SEZ6L2: variants seen among roughly 807,000 people sequenced by gnomAD.
The protein encoded by SEZ6L2 is seizure 6-like protein 2.
A neutral mutation model predicts 97.0 loss-of-function variants in SEZ6L2; 44 were observed. The ratio of observed to expected loss-of-function variants is 0.45; its 90% CI spans 0.36 to 0.58. The LOEUF is 0.58. Among genes scored for constraint, SEZ6L2 ranks in the 20% least tolerant of loss-of-function variants. The pLI is 0.00. For missense variants in SEZ6L2, 1,086 were observed against 1,233.3 expected (o/e 0.88, Z 1.79); for synonymous variants, 543 against 546.1 (o/e 0.99, Z 0.08).
In SEZ6L2 at chr16:29,897,950, C is replaced by T. The variant is rs118131274; in HGVS notation, c.114G>A (p.Glu38=). ...LPLKEEEILP[E]PGSETPTVAS... Reference sequence around the variant, plus strand: ...CCACCGTGGGGGTCTCACTTCCAGGCTCTGGCAATATCTCCTCCTCCTTCA... The same window carrying T: ...CCACCGTGGGGGTCTCACTTCCAGGTTCTGGCAATATCTCCTCCTCCTTCA... Residue 38 remains glutamate (E), a synonymous_variant, in exon 2 of 18, where the codon GAG becomes GAA. Transcript: ENST00000617533. 2.9e-3 allele frequency: 4,679 copies of T among 1,613,726 alleles called. 7 individuals carry two copies. Among genetic ancestry groups the T allele is most frequent in the Non-Finnish European group, 3.5e-3 (4,126 of 1,179,786 alleles).
In SEZ6L2 at chr16:29,887,702, C is replaced by T; in HGVS notation, c.1155G>A (p.Gly385=). 1 of 1,610,720 alleles carries T rather than the reference C, an allele frequency of 6.2e-7. No homozygotes were observed. Residue 385 remains glycine, a synonymous_variant, in exon 7 of 18, where the codon GGG becomes GGA. Transcript: ENST00000617533. The part of the protein sequence containing the change: ...TCRWVIEAAE[G]RRLHLHFERV... ...TTTCAAAGTGCAGGTGCAGCCGGCG[C>T]CCCTCAGCTGCTTCAATGACCCAAC...
intron 12 of SEZ6L2, among the ~76,000 whole-genome samples, chr16:29,874,123 T>C (rs1416438541): frequency 6.6e-6 from 1 of 152,060 alleles, no homozygotes; most frequent in Non-Finnish European, 1.5e-5. Context: ...TAAAATGCAG[T>C]GCATCTATTT....
chr16:29,873,170 T>C lies in SEZ6L2; in HGVS notation c.2488+70A>G, dbSNP rs913212435. 8.3e-5 allele frequency: 129 copies of C among 1,557,196 alleles called. No homozygotes were observed. The highest frequency in any genetic ancestry group is 1.0e-4 in the Non-Finnish European group (119 of 1,143,366). ...GGTCGCCCATTGGTCTCAAATGTGC[T>C]ACCTGACTCTCCCAGCCCTGTCACT... On this transcript the variant is annotated intron_variant, in intron 14 of 17. Coordinates refer to ENST00000617533, the MANE Select transcript of SEZ6L2 (RefSeq NM_001243332.2). This position sits in a 1 kb window ranked among gnomAD's most constrained non-coding sequence, Gnocchi z 4.3.
At chr16:29,875,665 C>CTTT (rs11443146) in intron 12 of SEZ6L2, among the ~76,000 whole-genome samples, 7 of 121,024 alleles carry the variant, frequency 5.8e-5, no homozygotes, top group East Asian at 4.6e-4. Context: ...TTCTTTCTTT[C>CTTT]TTTTTTTTTT....
Position 29,877,042 on chromosome 16 carries a change from A to G in SEZ6L2, c.1910-92T>C, listed in dbSNP as rs573568070. The G allele has an allele frequency of 1.9e-5, 25 of 1,326,302 alleles. No homozygotes were observed. The African/African-American group carries it at 2.9e-4, about 15-fold the overall frequency. 82.2% of individuals were successfully genotyped at this position (1,326,302 alleles called of 1,614,324 possible). A position where few individuals can be genotyped will look rare whatever the true frequency, so the allele number is the denominator to read the frequency against. On this transcript the variant is annotated intron_variant, in intron 11 of 17. Transcript: ENST00000617533. ...GCTTTGCTCTGTGCCCCCTCCCGGG[A>G]TCTGTCTCTCTCTCTCTCTCTTAGA...
At position 29,873,181 on chromosome 16, in the gene SEZ6L2, C is replaced by G. The variant is rs1297117002; in HGVS notation, c.2488+59G>C. The G allele has an allele frequency of 7.6e-6, 12 of 1,589,190 alleles. No homozygotes were observed. Among genetic ancestry groups the G allele is most frequent in the Non-Finnish European group, 9.4e-6 (11 of 1,165,204 alleles). ...GGTCTCAAATGTGCTACCTGACTCT[C>G]CCAGCCCTGTCACTTCCCGGACACT... On this transcript the variant is annotated intron_variant, in intron 14 of 17. Transcript: ENST00000617533. The surrounding 1 kb of genome is among the most constrained non-coding windows in gnomAD (Gnocchi z 4.3).
chr16:29,873,181 C>A lies in SEZ6L2; in HGVS notation c.2488+59G>T. ...GGTCTCAAATGTGCTACCTGACTCT[C>A]CCAGCCCTGTCACTTCCCGGACACT... On this transcript the variant is annotated intron_variant, in intron 14 of 17. Transcript: ENST00000617533. The surrounding 1 kb of genome is among the most constrained non-coding windows in gnomAD (Gnocchi z 4.3). 6.3e-7 allele frequency: 1 copy of A among 1,589,188 alleles called. No individual in the cohort carries two copies. The highest frequency in any genetic ancestry group is 1.7e-4 in the Middle Eastern group (1 of 5,972).
In SEZ6L2 at chr16:29,876,972, T is replaced by C; in HGVS notation, c.1910-22A>G. ...ACCTCTGCAGGGGAGGGAAGGCGAGTTTGGAGGCTGCGTTTTAACTGCGGG... is the reference window on the plus strand; with the variant it reads ...ACCTCTGCAGGGGAGGGAAGGCGAGCTTGGAGGCTGCGTTTTAACTGCGGG... On this transcript the variant is annotated intron_variant, in intron 11 of 17. Coordinates refer to ENST00000617533, the MANE Select transcript of SEZ6L2 (RefSeq NM_001243332.2). The surrounding 1 kb of genome is among the most constrained non-coding windows in gnomAD (Gnocchi z 6.5). 3.2e-6 allele frequency: 5 copies of C among 1,580,968 alleles called. No homozygotes were observed. Among genetic ancestry groups the C allele is most frequent in the Non-Finnish European group, 4.3e-6 (5 of 1,158,760 alleles).
intron 1 of SEZ6L2, 147 bp from the exon 2 acceptor site, chr16:29,898,131 G>T (rs370236756): frequency 2.6e-6 from 3 of 1,161,624 alleles, no homozygotes. Context: ...GGCCAAGATC[G>T]GAGGAGGGGC....
rs576708244 is a variant in SEZ6L2, at chr16:29,897,965, C to T, written c.99G>A (p.Glu33=). 1 of 1,613,694 alleles carries T rather than the reference C, an allele frequency of 6.2e-7. No individual in the cohort carries two copies. Among genetic ancestry groups the T allele is most frequent in the Admixed American group, 1.7e-5 (1 of 59,960 alleles). Residue 33 remains glutamate (E), a synonymous_variant, in exon 2 of 18, where the codon GAG becomes GAA. Transcript: ENST00000617533. ...PWIQGLPLKE[E]EILPEPGSET... The stretch of plus-strand genomic sequence containing the variant: ...CACTTCCAGGCTCTGGCAATATCTC[C>T]TCCTCCTTCAGGGGCAGACCTAGGA...
At position 29,895,771 on chromosome 16, in the gene SEZ6L2, C is replaced by G; in HGVS notation, c.601G>C (p.Asp201His). 1 of 1,614,086 alleles carries G rather than the reference C, an allele frequency of 6.2e-7. No individual in the cohort carries two copies. The highest frequency in any genetic ancestry group is 8.5e-7 in the Non-Finnish European group (1 of 1,179,998). ...TAGACATGGATGCTGTAAGTGCAGT[C>G]CAGGAGCCCCAGGGTGCGGCTGACG... ...SPVSRTLGLL[D>H]CTYSIHVYPG... The change falls in exon 4 of 18, where the codon GAC becomes CAC. Residue 201 changes from aspartate to histidine, a missense_variant. This residue lies in a region of SEZ6L2 where 776 missense variants were observed against 794.7 expected (regional missense o/e 0.98). Coordinates refer to ENST00000617533, the MANE Select transcript of SEZ6L2 (RefSeq NM_001243332.2).
At chr16:29,885,548 G>A in intron 8 of SEZ6L2, 38 bp downstream of exon 8, 2 of 1,596,150 alleles carry the variant, frequency 1.3e-6, no homozygotes, top group Non-Finnish European at 1.7e-6. Context: ...AGGGGAAGGT[G>A]TGGCGGTTGG....
chr16:29,874,534 CTT>C (rs1377402834), intron 12 of SEZ6L2, among the ~76,000 whole-genome samples: 2 of 60,850 alleles, frequency 3.3e-5, no homozygotes, highest in African/African-American at 5.0e-5. Flanking sequence ...AAATATAATT[CTT>C]TGTGTGTGTG....
chr16:29,871,840 G>A (rs1442185219), intron 17 of SEZ6L2, 112 bp from the exon 18 acceptor site: 2 of 923,278 alleles, frequency 2.2e-6, no homozygotes, highest in Middle Eastern at 2.1e-4. Flanking sequence ...GACCTCTAGG[G>A]GCTGGGGGGC....
At chr16:29,877,551 T>C in intron 10 of SEZ6L2, 84 bp from the exon 11 acceptor site, 1 of 1,272,562 alleles carries the variant, frequency 7.9e-7, no homozygotes, top group Non-Finnish European at 1.1e-6. Context: ...ACTCTGCTCA[T>C]TGGTAGCCCC....
rs764745574 is a variant in SEZ6L2, at chr16:29,877,479, G to A, written c.1713-12C>T. ...CCCGCACATTCAATCTGCAGGGGGT[G>A]AGACCAGGCAATGGGGCGGGGCTGC... On this transcript the variant is annotated splice_polypyrimidine_tract_variant and intron_variant, in intron 10 of 17. Transcript: ENST00000617533. 4.4e-6 allele frequency: 7 copies of A among 1,573,536 alleles called. No homozygotes were observed.
At chr16:29,894,213 C>T (rs2068331185) in intron 5 of SEZ6L2, among the ~76,000 whole-genome samples, 1 of 152,200 alleles carries the variant, frequency 6.6e-6, no homozygotes, top group African/African-American at 2.4e-5. Flanking sequence ...TTCATTTGAT[C>T]TTCCCCATAA....
chr16:29,899,510 C>G lies in SEZ6L2; in HGVS notation c.-491G>C, dbSNP rs1198166316. ...GGGGTGGGTTGGGGAACTGGGAGAGCCGAAGCTCGGGCACTGGAGCTGCGG... is the reference window on the plus strand; with the variant it reads ...GGGGTGGGTTGGGGAACTGGGAGAGGCGAAGCTCGGGCACTGGAGCTGCGG... On this transcript the variant is annotated 5_prime_UTR_variant, in exon 1 of 18. Coordinates refer to ENST00000617533, the MANE Select transcript of SEZ6L2 (RefSeq NM_001243332.2). The G allele has an allele frequency of 6.3e-6, 1 of 157,744 alleles. No individual in the cohort carries two copies. Among genetic ancestry groups the G allele is most frequent in the Non-Finnish European group, 1.4e-5 (1 of 71,864 alleles). The allele number at this position is 157,744 out of a possible 1,614,324, so 9.8% of individuals were successfully genotyped here.
chr16:29,871,591 C>T lies in SEZ6L2; in HGVS notation c.*108G>A. 8.9e-7 allele frequency: 1 copy of T among 1,125,348 alleles called. No individual in the cohort carries two copies. The highest frequency in any genetic ancestry group is 1.3e-6 in the Non-Finnish European group (1 of 758,004). The allele number at this position is 1,125,348 out of a possible 1,614,324, so 69.7% of individuals were successfully genotyped here. On this transcript the variant is annotated 3_prime_UTR_variant, in exon 18 of 18. Transcript: ENST00000617533. Reference sequence around the variant, plus strand: ...TCGTGGGATAGGGAGACTATTTACACAGCCAGGGAGGAGGGCAGCCAGGAG... The same window carrying T: ...TCGTGGGATAGGGAGACTATTTACATAGCCAGGGAGGAGGGCAGCCAGGAG...
Sources: gnomAD v4.1 joint callset for allele counts (sites outside exome capture counted in the v4.1 genomes callset) on GRCh38, gnomAD v4.1.1 for gene constraint, gnomAD v4.1.1 regional missense constraint, Gnocchi (gnomAD v3.1) non-coding constraint, MANE v1.5 for transcripts, NCBI Gene and HGNC (gene_info 2026-07-23, HGNC 2026-07-21) for gene names.